The following ANAPC7 variants were observed in gnomAD, a reference collection of about 807,000 sequenced individuals.
ANAPC7 encodes anaphase promoting complex subunit 7.
A neutral mutation model predicts 63.3 loss-of-function variants in ANAPC7; 25 were observed. That is an observed-to-expected ratio of 0.39 (90% CI 0.29 to 0.55). The LOEUF (loss-of-function observed/expected upper bound fraction) is 0.55, where lower values mean the gene tolerates loss of function less well. Ranked by LOEUF, ANAPC7 falls within the 20% of genes least tolerant of loss-of-function variation. The pLI, the probability that ANAPC7 is intolerant of heterozygous loss-of-function variation, is 0.57. For synonymous variants in ANAPC7, 241 were observed against 251.7 expected, an observed-to-expected ratio of 0.96 and a Z score of 0.40; for missense variants, 516 against 691.7, an observed-to-expected ratio of 0.75 and a Z score of 2.85.
intron 1 of ANAPC7, among the ~76,000 whole-genome samples, chr12:110,398,158 A>G (rs1390255485): frequency 6.6e-6 from 1 of 151,908 alleles, no homozygotes; most frequent in Non-Finnish European, 1.5e-5. Context: ...AGGCAGGAGA[A>G]TGACTTGAAC....
chr12:110,393,539 G>A (rs149680156), intron 3 of ANAPC7, among the ~76,000 whole-genome samples: 1 of 151,958 alleles, frequency 6.6e-6, no homozygotes, highest in East Asian at 1.9e-4. Context: ...ACCAACCTGG[G>A]CAAATGGTGG....
chr12:110,387,255 C>A (rs148022338), intron 5 of ANAPC7: 1 of 40,216 alleles, frequency 2.5e-5, no homozygotes, highest in Non-Finnish European at 4.5e-5. Context: ...GACAGAGAGA[C>A]AGAGAGAGAG....
chr12:110,400,231 G>A (rs537514714), intron 1 of ANAPC7, among the ~76,000 whole-genome samples: 3 of 152,292 alleles, frequency 2.0e-5, no homozygotes, highest in African/African-American at 7.2e-5. Flanking sequence ...TCCACAGAAA[G>A]CATTCAGATA....
intron 6 of ANAPC7, 91 bp from the exon 7 acceptor site, chr12:110,383,051 G>A: frequency 1.1e-6 from 1 of 901,634 alleles, no homozygotes; most frequent in Non-Finnish European, 1.7e-6. Flanking sequence ...CAGACCCCAT[G>A]CTGAGGCCCC....
intron 1 of ANAPC7, among the ~76,000 whole-genome samples, chr12:110,397,617 G>A (rs1307818281): frequency 6.6e-6 from 1 of 151,974 alleles, no homozygotes; most frequent in African/African-American, 2.4e-5. Context: ...AGAATGGGGG[G>A]CTGGGCGTGG....
chr12:110,386,173 T>A (rs1276785767), intron 6 of ANAPC7, among the ~76,000 whole-genome samples, 154 bp downstream of exon 6: 1 of 152,282 alleles, frequency 6.6e-6, no homozygotes, highest in East Asian at 1.9e-4. Flanking sequence ...GTTAGAGACA[T>A]GTGTCATGAC....
chr12:110,395,592 ATCT>A (rs1395755978), intron 2 of ANAPC7, among the ~76,000 whole-genome samples: 5 of 148,086 alleles, frequency 3.4e-5, no homozygotes, highest in Admixed American at 6.7e-5. Context: ...GCCTGGCCTC[ATCT>A]TCTTTTTTTT....
intron 1 of ANAPC7, among the ~76,000 whole-genome samples, chr12:110,399,872 G>C (rs1381339500): frequency 2.0e-5 from 3 of 151,698 alleles, no homozygotes; most frequent in Non-Finnish European, 4.4e-5. Flanking sequence ...AAGGAGGGAG[G>C]ATCACCTGAG....
intron 1 of ANAPC7, among the ~76,000 whole-genome samples, chr12:110,398,409 AC>A (rs1843446726): frequency 6.9e-6 from 1 of 145,900 alleles, no homozygotes; most frequent in African/African-American, 2.5e-5. Context: ...AGGGAATGAA[AC>A]CCTGTCTCAG....
chr12:110,394,169 CTG>C (rs1883353758), intron 3 of ANAPC7, among the ~76,000 whole-genome samples: 1 of 151,640 alleles, frequency 6.6e-6, no homozygotes, highest in African/African-American at 2.4e-5. Context: ...GAGCAAGACT[CTG>C]TCTCAAAACA....
At chr12:110,382,461 AATATATATATATATATATATAT>A (rs66967302) in intron 7 of ANAPC7, among the ~76,000 whole-genome samples, 1 of 30,858 alleles carries the variant, frequency 3.2e-5, no homozygotes, top group Admixed American at 5.4e-4. Flanking sequence ...AAAAAAAAAA[AATATATATATATATATATATAT>A]ATATATATAT....
At chr12:110,384,058 C>CA (rs1233752740) in intron 6 of ANAPC7, among the ~76,000 whole-genome samples, 1 of 149,958 alleles carries the variant, frequency 6.7e-6, no homozygotes, top group Non-Finnish European at 1.5e-5. Context: ...AAAAATTAGC[C>CA]AGGCACAGTG....
intron 8 of ANAPC7, 116 bp downstream of exon 8, chr12:110,381,636 G>A (rs1881853235): frequency 2.7e-5 from 29 of 1,083,938 alleles, no homozygotes; most frequent in Non-Finnish European, 6.6e-6. Flanking sequence ...CGTCCGGCCA[G>A]CTTCCCCAGA....
intron 10 of ANAPC7, among the ~76,000 whole-genome samples, chr12:110,375,134 A>C (rs1222460381): frequency 6.6e-6 from 1 of 152,174 alleles, no homozygotes; most frequent in Admixed American, 6.5e-5. Context: ...ACCGATATAA[A>C]TGCGGACCGA....
At chr12:110,394,040 G>C (rs1463430192) in intron 3 of ANAPC7, among the ~76,000 whole-genome samples, 1 of 151,064 alleles carries the variant, frequency 6.6e-6, no homozygotes, top group Non-Finnish European at 1.5e-5. Context: ...GCTGGGCGTG[G>C]TGGCGGGTGC....
chr12:110,399,634 G>C (rs1262897736), intron 1 of ANAPC7, among the ~76,000 whole-genome samples: 1 of 151,894 alleles, frequency 6.6e-6, no homozygotes, highest in Non-Finnish European at 1.5e-5. Context: ...CCACAGAATT[G>C]CATTATTGTG....
intron 1 of ANAPC7, among the ~76,000 whole-genome samples, chr12:110,396,798 A>G (rs2062146258): frequency 6.7e-6 from 1 of 149,406 alleles, no homozygotes; most frequent in Non-Finnish European, 1.5e-5. Context: ...TACAGGCGTG[A>G]GCCATCATGC....
At chr12:110,376,564 A>C (rs28694740) in intron 9 of ANAPC7, among the ~76,000 whole-genome samples, 1 of 145,550 alleles carries the variant, frequency 6.9e-6, no homozygotes, top group African/African-American at 2.6e-5. Flanking sequence ...GCGAGACTCC[A>C]TCTCAAAAAA....
At chr12:110,377,030 A>G (rs905141685) in intron 9 of ANAPC7, among the ~76,000 whole-genome samples, 2 of 151,292 alleles carry the variant, frequency 1.3e-5, no homozygotes, top group Non-Finnish European at 2.9e-5. Context: ...CCAGCTACTC[A>G]GGAGGCTGAG....
Sources: allele counts gnomAD v4.1 joint callset (sites outside exome capture counted in the v4.1 genomes callset), GRCh38; gene constraint gnomAD v4.1.1; transcripts MANE v1.5; gene names NCBI Gene and HGNC (gene_info 2026-07-23, HGNC 2026-07-21).